Variants in CYP2A6 observed in about 807,000 individuals in gnomAD.
CYP2A6 encodes the protein cytochrome P450 2A6.
CYP2A6 carries 27 observed loss-of-function variants against 42.3 expected under a neutral mutation model. The observed-to-expected ratio is 0.64, with a 90% confidence interval of 0.47 to 0.88. The LOEUF is 0.88. Ranked by LOEUF, CYP2A6 falls within the 40% of genes least tolerant of loss-of-function variation. CYP2A6 has a pLI of 0.00. For synonymous variants in CYP2A6, 238 were observed against 246.3 expected (o/e 0.97, Z 0.31); for missense variants, 628 against 646.0 (o/e 0.97, Z 0.30).
chr19:40,848,305 G>T lies in CYP2A6; in HGVS notation c.568C>A (p.Arg190Ser), dbSNP rs750883643. The T allele has an allele frequency of 6.2e-7, 1 of 1,611,856 alleles. No homozygotes were observed. Among genetic ancestry groups the T allele is most frequent in the Non-Finnish European group, 8.5e-7 (1 of 1,179,940 alleles). ...AACTCTTTGTCCTTATAGTCAAAGC[G>T]GTCCCCAAAGACAATGGAGCTGATG... ...NVISSIVFGD[R>S]FDYKDKEFLS... The change falls in exon 4 of 9, where the codon CGC (arginine) becomes AGC (serine). Residue 190 changes from arginine (R) to serine (S), a missense_variant. Physicochemically the swap from Arg to Ser is moderately radical, Grantham distance 110 (BLOSUM62 -1). Around this residue, in one of 2 missense-constraint regions of CYP2A6, gnomAD observed 606 missense variants for 568.1 expected, o/e 1.07. Coordinates refer to ENST00000301141, the MANE Select transcript of CYP2A6 (RefSeq NM_000762.6).
intron 5 of CYP2A6, 22 bp downstream of exon 5, chr19:40,846,853 C>G: frequency 5.6e-6 from 9 of 1,610,022 alleles, no homozygotes; most frequent in Non-Finnish European, 6.8e-6. Flanking sequence ...TGCATCTCCC[C>G]GCAGTGGCTG....
In CYP2A6 at chr19:40,845,145, G is replaced by A. The variant is rs577031756; in HGVS notation, c.1161+149C>T. Reference sequence around the variant, plus strand: ...GACTCAGGAGTGTCTAAGTGGAAAGGTGGAACGGATGTGGTGGTTGGGGAA... The same window carrying A: ...GACTCAGGAGTGTCTAAGTGGAAAGATGGAACGGATGTGGTGGTTGGGGAA... On this transcript the variant is annotated intron_variant, in intron 7 of 8. Transcript: ENST00000301141. 6.3e-6 allele frequency: 6 copies of A among 949,822 alleles called. No individual in the cohort carries two copies. In the East Asian group the frequency reaches 1.6e-4, roughly 25 times the overall value. 58.8% of individuals were successfully genotyped at this position (949,822 alleles called of 1,614,324 possible).
chr19:40,846,940 G>T lies in CYP2A6; in HGVS notation c.766C>A (p.Gln256Lys), dbSNP rs533216061. Reference protein sequence around the residue: ...DFIAKKVEHNQRTLDPNSPRD... With the variant: ...DFIAKKVEHNKRTLDPNSPRD... The stretch of plus-strand genomic sequence containing the variant: ...GGGGAATTGGGATCCAGCGTGCGCT[G>T]GTTGTGCTCCACCTTCTTGGCTATG... The change falls in exon 5 of 9, where the codon CAG becomes AAG. Residue 256 changes from glutamine (Q) to lysine (K), a missense_variant. Gln to Lys is a moderately conservative substitution (Grantham distance 53). Around this residue, in one of 2 missense-constraint regions of CYP2A6, gnomAD observed 606 missense variants for 568.1 expected, o/e 1.07. Coordinates refer to ENST00000301141, the MANE Select transcript of CYP2A6 (RefSeq NM_000762.6). 4.3e-6 allele frequency: 7 copies of T among 1,612,106 alleles called. No homozygotes were observed. The African/African-American group carries it at 6.7e-5, about 15-fold the overall frequency.
In CYP2A6 at chr19:40,849,161, G is replaced by T. The variant is rs569969411; in HGVS notation, c.344-398C>A. 3.1e-4 allele frequency among the ~76,000 whole-genome samples: 47 copies of T among 150,376 alleles called. 1 individual carries two copies. Among genetic ancestry groups the T allele is most frequent in the Admixed American group, 3.0e-3 (46 of 15,152 alleles). ...ACAGAGAGATGCACATAGAAACAGA[G>T]GGATAAGGGGACACTCCATGGAGGA... On this transcript the variant is annotated intron_variant, in intron 2 of 8. Transcript: ENST00000301141.
Position 40,845,290 on chromosome 19 carries a change from G to C in CYP2A6, c.1161+4C>G. 6.2e-7 allele frequency: 1 copy of C among 1,611,608 alleles called. No homozygotes were observed. Among genetic ancestry groups the C allele is most frequent in the Non-Finnish European group, 8.5e-7 (1 of 1,179,848 alleles). On this transcript the variant is annotated splice_donor_region_variant and intron_variant, in intron 7 of 8. Transcript: ENST00000301141. ...GTAGTCTGGGGGGTGGGGGCGGATA[G>C]CACCTTAGGGAGGAAGAAATCCCGA...
Position 40,845,495 on chromosome 19 carries a change from G to A in CYP2A6, c.974-14C>T, listed in dbSNP as rs28399453. ...CATGGACCTTGGCTGGGGGAGGAGG[G>A]GGAATGTGTTTAGGTATCTAGGGGT... On this transcript the variant is annotated splice_polypyrimidine_tract_variant and intron_variant, in intron 6 of 8. Transcript: ENST00000301141. The A allele has an allele frequency of 0.063, 101,839 of 1,611,014 alleles. 4,567 individuals are homozygous for A. Among genetic ancestry groups the A allele is most frequent in the Non-Finnish European group, 0.075 (88,839 of 1,179,294 alleles).
At chr19:40,848,412 G>C (rs755008636) in intron 3 of CYP2A6, 33 bp from the exon 4 acceptor site, 9 of 1,611,060 alleles carry the variant, frequency 5.6e-6, no homozygotes, top group South Asian at 2.2e-5. Flanking sequence ...GGGTTGGGGA[G>C]AGAGTCAACT....
intron 2 of CYP2A6, among the ~76,000 whole-genome samples, chr19:40,849,011 A>AGAGAGGAGAG (rs1332332247): frequency 2.0e-5 from 1 of 50,722 alleles, no homozygotes; most frequent in East Asian, 6.1e-4. Context: ...AGAGAGAGAG[A>AGAGAGGAGAG]AGAGAGAGAG....
At position 40,848,690 on chromosome 19, in the gene CYP2A6, C is replaced by G. The variant is rs1205824047; in HGVS notation, c.417G>C (p.Gly139=). The G allele has an allele frequency of 1.9e-6, 3 of 1,611,972 alleles. No individual in the cohort carries two copies. The highest frequency in any genetic ancestry group is 2.5e-6 in the Non-Finnish European group (3 of 1,179,910). Residue 139 remains glycine (G), a synonymous_variant, in exon 3 of 9, where the codon GGG becomes GGC. Transcript: ENST00000301141. ...GCTCCTCGATGCCTCGCTTGCCCAC[C>G]CCGAAGTCCCGCAGGGTGGCGATGG... The part of the protein sequence containing the change: ...RFSIATLRDF[G]VGKRGIEERI...
rs1040055376 is a variant in CYP2A6 at position 40,847,856 on chromosome 19, C to T, written c.654+363G>A. ...TTCAGGTATGCAGGAGGCCGGTTGA[C>T]GCAGTCACTTGTCCAGGTGTTAAAA... On this transcript the variant is annotated intron_variant, in intron 4 of 8. Coordinates refer to ENST00000301141, the MANE Select transcript of CYP2A6 (RefSeq NM_000762.6). 7.3e-5 allele frequency among the ~76,000 whole-genome samples: 11 copies of T among 151,580 alleles called. 1 individual carries two copies. The highest frequency in any genetic ancestry group is 2.0e-4 in the Admixed American group (3 of 15,256).
intron 2 of CYP2A6, among the ~76,000 whole-genome samples, chr19:40,848,970 GAGAGAGAA>G (rs1967156694): frequency 2.4e-5 from 3 of 122,936 alleles, no homozygotes; most frequent in Admixed American, 8.0e-5. Flanking sequence ...GAGAGAGAGA[GAGAGAGAA>G]GAGAGAGAGG....
At chr19:40,849,796 C>T (rs546628995) in intron 2 of CYP2A6, 22 bp downstream of exon 2, 14 of 1,608,348 alleles carry the variant, frequency 8.7e-6, no homozygotes, top group Middle Eastern at 2.1e-4. Context: ...GGCCACCTTC[C>T]CCCTCTTGGG....
chr19:40,849,837 G>T lies in CYP2A6; in HGVS notation c.324C>A (p.Asp108Glu). 1.9e-6 allele frequency: 3 copies of T among 1,610,850 alleles called. No individual in the cohort carries two copies. The highest frequency in any genetic ancestry group is 2.5e-6 in the Non-Finnish European group (3 of 1,179,746). Reference protein sequence around the residue: ...FSGRGEQATFDWVFKGYGVVF... With the variant: ...FSGRGEQATFEWVFKGYGVVF... ...CCTCACCATAGCCTTTGAAGACCCA[G>T]TCGAAGGTGGCTTGCTCGCCTCGCC... is the stretch of plus-strand genomic sequence containing the variant. The change falls in exon 2 of 9, where the codon GAC (aspartate) becomes GAA (glutamate). Residue 108 changes from aspartate to glutamate, a missense_variant. Transcript: ENST00000301141.
In CYP2A6 at chr19:40,848,287, T is replaced by C; in HGVS notation, c.586A>G (p.Lys196Glu). 6.2e-7 allele frequency: 1 copy of C among 1,610,908 alleles called. No homozygotes were observed. Among genetic ancestry groups the C allele is most frequent in the Non-Finnish European group, 8.5e-7 (1 of 1,179,940 alleles). The change falls in exon 4 of 9, where the codon AAA (lysine) becomes GAA (glutamate). Residue 196 changes from lysine to glutamate, a missense_variant. Physicochemically the swap from Lys to Glu is moderately conservative, Grantham distance 56. Transcript: ENST00000301141. ...VFGDRFDYKD[K>E]EFLSLLRMML... ...ATGCGCAACAGTGACAGGAACTCTT[T>C]GTCCTTATAGTCAAAGCGGTCCCCA...
rs56145769 is a variant in CYP2A6 at position 40,849,707 on chromosome 19, C to T, written c.343+111G>A. The T allele has an allele frequency of 2.6e-3, 3,982 of 1,552,934 alleles. 128 individuals are homozygous for T. The African/African-American group carries it at 0.034, about 13-fold the overall frequency. On this transcript the variant is annotated intron_variant, in intron 2 of 8. Coordinates refer to ENST00000301141, the MANE Select transcript of CYP2A6 (RefSeq NM_000762.6). Reference sequence around the variant, plus strand: ...AGGGAGATGGGGAGGGAAGACCAGACTGGGGACTCTGCCTTAGCCTCCAGT... The same window carrying T: ...AGGGAGATGGGGAGGGAAGACCAGATTGGGGACTCTGCCTTAGCCTCCAGT...
chr19:40,849,053 A>AG (rs1208202401), intron 2 of CYP2A6, among the ~76,000 whole-genome samples: 8 of 124,736 alleles, frequency 6.4e-5, no homozygotes, highest in African/African-American at 2.2e-4. Context: ...GAGGAGAGAG[A>AG]GAGAGAGAGA....
At chr19:40,846,354 T>G (rs1967099592) in intron 5 of CYP2A6, among the ~76,000 whole-genome samples, 2 of 107,746 alleles carry the variant, frequency 1.9e-5, no homozygotes, top group African/African-American at 4.8e-5. Context: ...TTTTTTTTGT[T>G]TTTTTTTTTC....
At chr19:40,847,630 G>A (rs1967121898) in intron 4 of CYP2A6, among the ~76,000 whole-genome samples, 1 of 151,568 alleles carries the variant, frequency 6.6e-6, no homozygotes, top group Non-Finnish European at 1.5e-5. Context: ...AAAGGGTTGG[G>A]GAACACTTAT....
chr19:40,843,595 T>A lies in CYP2A6; in HGVS notation c.*201A>T, dbSNP rs8192734. The A allele has an allele frequency of 1.1e-6, 1 of 936,344 alleles. No individual in the cohort carries two copies. The highest frequency in any genetic ancestry group is 3.1e-5 in the Admixed American group (1 of 31,760). 58.0% of individuals were successfully genotyped at this position (936,344 alleles called of 1,614,324 possible). A position where few individuals can be genotyped will look rare whatever the true frequency, so the allele number is the denominator to read the frequency against. ...CTCTTCATAGCATAATGTAAGGGTT[T>A]CCTTCCTCTCATCCCAGCTCGGAAG... On this transcript the variant is annotated 3_prime_UTR_variant, in exon 9 of 9. Coordinates refer to ENST00000301141, the MANE Select transcript of CYP2A6 (RefSeq NM_000762.6).
Sources: gnomAD v4.1 joint callset for allele counts (sites outside exome capture counted in the v4.1 genomes callset) on GRCh38, gnomAD v4.1.1 for gene constraint, gnomAD v4.1.1 regional missense constraint, MANE v1.5 for transcripts, NCBI Gene and HGNC (gene_info 2026-07-23, HGNC 2026-07-21) for gene names.